Variants in GRM7 observed in about 807,000 individuals in gnomAD.
GRM7 encodes metabotropic glutamate receptor 7.
In GRM7, 35 loss-of-function variants were observed where a neutral mutation model predicts 84.5. The observed-to-expected ratio is 0.41, with a 90% confidence interval of 0.32 to 0.55. The LOEUF (loss-of-function observed/expected upper bound fraction) is 0.55, where lower values mean the gene tolerates loss of function less well. Ranked by LOEUF, GRM7 falls within the 20% of genes least tolerant of loss-of-function variation. The pLI, the probability that GRM7 is intolerant of heterozygous loss-of-function variation, is 0.19. For synonymous variants in GRM7, 487 were observed against 455.1 expected, an observed-to-expected ratio of 1.07 and a Z score of -0.89; for missense variants, 1,003 against 1,194.6, an observed-to-expected ratio of 0.84 and a Z score of 2.36.
At chr3:7,097,670 A>G (rs920774549) in intron 1 of GRM7, among the ~76,000 whole-genome samples, 8 of 152,124 alleles carry the variant, frequency 5.3e-5, no homozygotes, top group African/African-American at 1.9e-4. Flanking sequence ...GCATTTTTCC[A>G]TCACTCGTAC....
At chr3:7,582,916 A>T (rs1397320491) in intron 8 of GRM7, among the ~76,000 whole-genome samples, 3 of 152,180 alleles carry the variant, frequency 2.0e-5, no homozygotes, top group African/African-American at 7.2e-5. Context: ...TTTGCTGGAA[A>T]AATGCCAGTG....
intron 2 of GRM7, among the ~76,000 whole-genome samples, chr3:7,190,346 T>A (rs1432068781): frequency 6.6e-6 from 1 of 152,098 alleles, no homozygotes; most frequent in African/African-American, 2.4e-5. Flanking sequence ...CAGCGTACAG[T>A]GTTTCTTCTG....
chr3:7,062,773 A>C (rs1219805442), intron 1 of GRM7, among the ~76,000 whole-genome samples: 1 of 151,790 alleles, frequency 6.6e-6, no homozygotes, highest in African/African-American at 2.4e-5. Flanking sequence ...TGTCATCAAC[A>C]CACTTAAAAA....
At chr3:7,612,454 G>C (rs1028942318) in intron 8 of GRM7, among the ~76,000 whole-genome samples, 2 of 152,122 alleles carry the variant, frequency 1.3e-5, no homozygotes, top group African/African-American at 2.4e-5. Flanking sequence ...GAACCTCCTA[G>C]GAATGAGTGG....
chr3:7,671,034 C>A (rs1242494588), intron 8 of GRM7, among the ~76,000 whole-genome samples: 1 of 152,118 alleles, frequency 6.6e-6, no homozygotes, highest in Non-Finnish European at 1.5e-5. Context: ...GGTCAATAAC[C>A]TTTTAGATAA....
intron 1 of GRM7, among the ~76,000 whole-genome samples, chr3:7,077,051 A>T (rs571082986): frequency 6.6e-6 from 1 of 152,314 alleles, no homozygotes; most frequent in Admixed American, 6.5e-5. Context: ...TAGAATTGGG[A>T]TGATTAAAAA....
intron 1 of GRM7, among the ~76,000 whole-genome samples, chr3:6,959,989 A>C (rs1693227226): frequency 6.6e-6 from 1 of 152,214 alleles, no homozygotes; most frequent in African/African-American, 2.4e-5. Context: ...GGAGGAGGTC[A>C]GACTAATAGA....
At chr3:7,447,750 AT>A (rs1171862982) in intron 5 of GRM7, among the ~76,000 whole-genome samples, 1 of 151,240 alleles carries the variant, frequency 6.6e-6, no homozygotes, top group Non-Finnish European at 1.5e-5. Context: ...TATTTATTTT[AT>A]TTATTTTATT....
In GRM7 at chr3:7,518,833, A is replaced by G. The variant is rs116211604; in HGVS notation, c.1515+57111A>G. On this transcript the variant is annotated intron_variant, in intron 7 of 9. Transcript: ENST00000357716. ...TCAGTCCTCAATCTTCCTAAGTGAA[A>G]ACTAGACCTCTGATTAATGTTAAGA... Among the ~76,000 whole-genome samples the G allele has an allele frequency of 2.9e-3, 442 of 152,382 alleles. 3 individuals are homozygous for G. Among genetic ancestry groups the G allele is most frequent in the African/African-American group, 9.8e-3 (408 of 41,584 alleles).
At chr3:7,567,951 G>A (rs1357587931) in intron 7 of GRM7, among the ~76,000 whole-genome samples, 2 of 151,974 alleles carry the variant, frequency 1.3e-5, no homozygotes, top group Non-Finnish European at 2.9e-5. Context: ...TCATCTAGCA[G>A]GGTGTCCCAG....
At chr3:7,485,242 G>A (rs929984184) in intron 7 of GRM7, among the ~76,000 whole-genome samples, 2 of 152,184 alleles carry the variant, frequency 1.3e-5, no homozygotes, top group African/African-American at 4.8e-5. Context: ...ACTATGTGTT[G>A]GGGTAATTTG....
intron 2 of GRM7, among the ~76,000 whole-genome samples, chr3:7,294,432 A>T (rs1216486748): frequency 6.6e-6 from 1 of 152,126 alleles, no homozygotes; most frequent in East Asian, 1.9e-4. Context: ...GAATCATGGC[A>T]TTGAGACTGT....
chr3:7,705,556 G>A (rs948158965), intron 9 of GRM7, among the ~76,000 whole-genome samples: 1 of 152,176 alleles, frequency 6.6e-6, no homozygotes, highest in African/African-American at 2.4e-5. Flanking sequence ...CAAAGCTACA[G>A]AGATCAAAAG....
chr3:7,552,710 G>A (rs139927952), intron 7 of GRM7, among the ~76,000 whole-genome samples: 122 of 152,316 alleles, frequency 8.0e-4, no homozygotes, highest in African/African-American at 2.6e-3. Flanking sequence ...AGTCACAGCT[G>A]GGATGCAGGG....
In GRM7 at chr3:6,868,086, T is replaced by C. The variant is rs185969927; in HGVS notation, c.519+6179T>C. Among the ~76,000 whole-genome samples, 3 of 152,322 alleles carry C rather than the reference T, an allele frequency of 2.0e-5. No individual in the cohort carries two copies. The East Asian group carries it at 5.8e-4, about 29-fold the overall frequency. On this transcript the variant is annotated intron_variant, in intron 1 of 9. Transcript: ENST00000357716. ...AATTTGAGTCCTTACCATAAGCCAC[T>C]GTGCCACGTGCTAAAAGTACTTCAT...
intron 4 of GRM7, among the ~76,000 whole-genome samples, chr3:7,361,434 C>T (rs954282772): frequency 2.0e-5 from 3 of 152,112 alleles, no homozygotes; most frequent in Non-Finnish European, 4.4e-5. Context: ...CTTGAGCCTA[C>T]TGCCTATTTT....
chr3:7,473,490 G>T (rs1442329507), intron 7 of GRM7, among the ~76,000 whole-genome samples: 101 of 5,602 alleles, frequency 0.018, no homozygotes, highest in African/African-American at 0.056. Context: ...AAACGAGAGG[G>T]AGAGAGAGAG....
At chr3:7,368,884 T>G (rs774419846) in intron 4 of GRM7, among the ~76,000 whole-genome samples, 6 of 70,860 alleles carry the variant, frequency 8.5e-5, no homozygotes, top group Non-Finnish European at 1.6e-4. Context: ...ACATGTTGAA[T>G]TTTTAAAAAT....
chr3:7,664,962 T>C (rs1167223880), intron 8 of GRM7, among the ~76,000 whole-genome samples: 1 of 152,144 alleles, frequency 6.6e-6, no homozygotes, highest in Non-Finnish European at 1.5e-5. Flanking sequence ...ACAATATTTA[T>C]ATTTAATTTG....
Sources: allele counts gnomAD v4.1 joint callset (sites outside exome capture counted in the v4.1 genomes callset), GRCh38; gene constraint gnomAD v4.1.1; transcripts MANE v1.5; gene names NCBI Gene and HGNC (gene_info 2026-07-23, HGNC 2026-07-21).